ENPP1: variants seen among roughly 807,000 people sequenced by gnomAD.
The protein encoded by ENPP1 is ectonucleotide pyrophosphatase/phosphodiesterase 1.
ENPP1 carries 73 observed loss-of-function variants against 122.8 expected under a neutral mutation model. The observed-to-expected ratio is 0.59, with a 90% CI of 0.49 to 0.72. The LOEUF (loss-of-function observed/expected upper bound fraction) is 0.72, where lower values mean the gene tolerates loss of function less well. Ranked by LOEUF, ENPP1 falls within the 30% of genes least tolerant of loss-of-function variation. The probability of loss-of-function intolerance (pLI) is 0.00; values close to 1 mark genes in which losing one functional copy is unlikely to be tolerated. For synonymous variants in ENPP1, 367 were observed against 391.6 expected (o/e 0.94, Z 0.74); for missense variants, 978 against 1,128.1 (o/e 0.87, Z 1.91).
intron 1 of ENPP1, among the ~76,000 whole-genome samples, chr6:131,841,808 C>T (rs1781743744): frequency 6.6e-6 from 1 of 152,126 alleles, no homozygotes; most frequent in African/African-American, 2.4e-5. Context: ...CCTAGAGAAA[C>T]ATGGTGCTAG....
intron 15 of ENPP1, 118 bp downstream of exon 15, chr6:131,873,168 A>T (rs1259165849): frequency 1.7e-6 from 2 of 1,177,122 alleles, no homozygotes; most frequent in Non-Finnish European, 2.5e-6. Flanking sequence ...GATTCTCTTC[A>T]CTCTAACCCA....
intron 19 of ENPP1, among the ~76,000 whole-genome samples, chr6:131,878,894 A>T (rs1224142956): frequency 6.6e-6 from 1 of 152,208 alleles, no homozygotes; most frequent in African/African-American, 2.4e-5. Flanking sequence ...TAAGTTGATA[A>T]TAGAGACTGA....
At chr6:131,856,989 A>G (rs1285945500) in intron 6 of ENPP1, among the ~76,000 whole-genome samples, 2 of 152,006 alleles carry the variant, frequency 1.3e-5, no homozygotes, top group Non-Finnish European at 2.9e-5. Flanking sequence ...TTTTGGTTCC[A>G]TATGAACTTT....
intron 1 of ENPP1, among the ~76,000 whole-genome samples, chr6:131,818,447 C>A (rs1211255510): frequency 6.6e-6 from 1 of 151,908 alleles, no homozygotes; most frequent in Admixed American, 6.6e-5. Context: ...GAGATCGAGA[C>A]CATCCTGGCT....
intron 15 of ENPP1, among the ~76,000 whole-genome samples, chr6:131,873,749 C>A (rs1782192754): frequency 6.6e-6 from 1 of 151,742 alleles, no homozygotes; most frequent in East Asian, 1.9e-4. Context: ...AAGCAGTGAA[C>A]CAAAATTCAG....
chr6:131,860,561 A>G (rs1782008983), intron 8 of ENPP1, 55 bp downstream of exon 8: 3 of 1,357,278 alleles, frequency 2.2e-6, no homozygotes, highest in Non-Finnish European at 3.1e-6. Flanking sequence ...TATTTCAATC[A>G]GAGTAAAATA....
intron 9 of ENPP1, among the ~76,000 whole-genome samples, 194 bp downstream of exon 9, chr6:131,861,898 G>T (rs1418105534): frequency 6.6e-6 from 1 of 152,112 alleles, no homozygotes; most frequent in Admixed American, 6.6e-5. Flanking sequence ...GGCCAGCTGT[G>T]GTGGCTCACT....
At chr6:131,879,649 A>C (rs1306509096) in intron 19 of ENPP1, among the ~76,000 whole-genome samples, 1 of 152,216 alleles carries the variant, frequency 6.6e-6, no homozygotes, top group Non-Finnish European at 1.5e-5. Flanking sequence ...TAGTGTCCTC[A>C]TGGTATCTTG....
chr6:131,889,129 TGAG>T (rs1782426223), intron 24 of ENPP1, among the ~76,000 whole-genome samples: 1 of 152,200 alleles, frequency 6.6e-6, no homozygotes, highest in Non-Finnish European at 1.5e-5. Context: ...AATAACCCGA[TGAG>T]GAGGATACAG....
chr6:131,842,894 T>G (rs1421184018), intron 1 of ENPP1, among the ~76,000 whole-genome samples: 1 of 152,174 alleles, frequency 6.6e-6, no homozygotes. Context: ...GAAAAAAATT[T>G]TTTTTTTAGT....
chr6:131,861,658 G>A lies in ENPP1; in HGVS notation c.979G>A (p.Val327Met). 1.2e-6 allele frequency: 2 copies of A among 1,613,776 alleles called. No individual in the cohort carries two copies. Residue 327 changes from valine to methionine, a missense_variant, in exon 9 of 25, where the codon GTG becomes ATG. Physicochemically the swap from Val to Met is conservative, Grantham distance 21 (BLOSUM62 1). This residue lies in a region of ENPP1 where 644 missense variants were observed against 781.5 expected (regional missense o/e 0.82). Coordinates refer to ENST00000647893, the MANE Select transcript of ENPP1 (RefSeq NM_006208.3). ...SGTFFWPGSD[V>M]EINGIFPDIY... is the part of the protein sequence containing the mutation. ...CACATTTTTCTGGCCAGGATCAGAT[G>A]TGGAAATTAACGGAATTTTCCCAGA...
At chr6:131,853,334 T>C (rs962414687) in intron 5 of ENPP1, among the ~76,000 whole-genome samples, 22 of 152,192 alleles carry the variant, frequency 1.4e-4, no homozygotes, top group African/African-American at 4.3e-4. Context: ...ATGTTAGACT[T>C]AGTGAATTTC....
intron 20 of ENPP1, 131 bp downstream of exon 20, chr6:131,880,165 G>A (rs1260810492): frequency 3.7e-5 from 36 of 974,322 alleles, no homozygotes; most frequent in Middle Eastern, 4.2e-4. Context: ...ACTGAAGAGG[G>A]AGTCAGAAAA....
chr6:131,884,223 AAGG>A (rs772502548), intron 22 of ENPP1, among the ~76,000 whole-genome samples: 1 of 152,244 alleles, frequency 6.6e-6, no homozygotes, highest in Non-Finnish European at 1.5e-5. Flanking sequence ...ATAAGCATAT[AAGG>A]AGTTTTTAGT....
At chr6:131,822,770 A>G (rs1390170832) in intron 1 of ENPP1, among the ~76,000 whole-genome samples, 1 of 152,130 alleles carries the variant, frequency 6.6e-6, no homozygotes, top group Non-Finnish European at 1.5e-5. Flanking sequence ...ATTTCTATGC[A>G]TACTTTAGAC....
chr6:131,869,416 T>C lies in ENPP1; in HGVS notation c.1332T>C (p.Val444=), dbSNP rs1782131120. 6.2e-7 allele frequency: 1 copy of C among 1,612,318 alleles called. No homozygotes were observed. Among genetic ancestry groups the C allele is most frequent in the Non-Finnish European group, 8.5e-7 (1 of 1,178,548 alleles). Reference sequence around the variant, plus strand: ...ATCTGAATAAATATTTGGGGGATGTTAAAAATATTAAAGTTATCTATGGAC... The same window carrying C: ...ATCTGAATAAATATTTGGGGGATGTCAAAAATATTAAAGTTATCTATGGAC... The part of the protein sequence containing the change: ...YIYLNKYLGD[V]KNIKVIYGPA... The change falls in exon 13 of 25, where the codon GTT becomes GTC. Residue 444 remains valine, a synonymous_variant. Transcript: ENST00000647893.
Position 131,854,937 on chromosome 6 carries a change from C to T in ENPP1, c.629C>T (p.Pro210Leu). The change falls in exon 6 of 25, where the codon CCT becomes CTT. Residue 210 changes from proline (P) to leucine (L), a missense_variant. Physicochemically the swap from Pro to Leu is moderately conservative, Grantham distance 98. Transcript: ENST00000647893. ...EPQCPAGFETPPTLLFSLDGF... is the reference protein window; with the variant it reads ...EPQCPAGFETLPTLLFSLDGF... ...TTTTCATTACCCAGGTTTGAAACGC[C>T]TCCTACCCTCTTATTTTCTTTGGAT... is the stretch of plus-strand genomic sequence containing the variant. The T allele has an allele frequency of 6.2e-7, 1 of 1,613,098 alleles. No individual in the cohort carries two copies. The highest frequency in any genetic ancestry group is 1.3e-5 in the African/African-American group (1 of 74,952).
Position 131,844,917 on chromosome 6 carries a change from A to G in ENPP1, c.241-2859A>G, listed in dbSNP as rs74475223. Among the ~76,000 whole-genome samples the G allele has an allele frequency of 5.1e-3, 779 of 152,270 alleles. 7 individuals are homozygous for G. Among genetic ancestry groups the G allele is most frequent in the Non-Finnish European group, 3.4e-3 (234 of 68,016 alleles). ...TTAGAAAGGAATATGGAATATGACA[A>G]TTCTCCAAGGCACAGAAAATATTCT... On this transcript the variant is annotated intron_variant, in intron 1 of 24. Transcript: ENST00000647893.
chr6:131,843,422 A>T lies in ENPP1; in HGVS notation c.241-4354A>T, dbSNP rs904115996. ...GTCAGCATGTGTCTTCAGCTACTTA[A>T]CAAGAGGATAAAGAGCTATATATAA... On this transcript the variant is annotated intron_variant, in intron 1 of 24. Coordinates refer to ENST00000647893, the MANE Select transcript of ENPP1 (RefSeq NM_006208.3). Among the ~76,000 whole-genome samples the T allele has an allele frequency of 9.2e-5, 14 of 152,328 alleles. No individual in the cohort carries two copies. In the East Asian group the frequency reaches 2.7e-3, roughly 29 times the overall value.
Sources: gnomAD v4.1 joint callset for allele counts (sites outside exome capture counted in the v4.1 genomes callset) on GRCh38, gnomAD v4.1.1 for gene constraint, gnomAD v4.1.1 regional missense constraint, MANE v1.5 for transcripts, NCBI Gene and HGNC (gene_info 2026-07-23, HGNC 2026-07-21) for gene names.